Variants in RBMS1 observed in about 807,000 individuals in gnomAD.
RBMS1 encodes the protein RNA binding motif single stranded interacting protein 1.
RBMS1 carries 17 observed loss-of-function variants against 62.3 expected under a neutral mutation model. That is an observed-to-expected ratio of 0.27 (90% CI 0.19 to 0.41). The LOEUF (loss-of-function observed/expected upper bound fraction) is 0.41, where lower values mean the gene tolerates loss of function less well. Ranked by LOEUF, RBMS1 falls within the 10% of genes least tolerant of loss-of-function variation. The probability of loss-of-function intolerance (pLI) is 1.00; values close to 1 mark genes in which losing one functional copy is unlikely to be tolerated. For missense variants in RBMS1, 334 were observed against 504.5 expected, an observed-to-expected ratio of 0.66 and a Z score of 3.24; for synonymous variants, 172 against 170.0, an observed-to-expected ratio of 1.01 and a Z score of -0.09.
intron 2 of RBMS1, among the ~76,000 whole-genome samples, chr2:160,345,934 A>G (rs546811180): frequency 3.3e-4 from 51 of 152,252 alleles, no homozygotes; most frequent in Non-Finnish European, 5.3e-4. Flanking sequence ...TTGGTATTGC[A>G]AGCAGACAAT....
At chr2:160,298,117 G>T (rs1689033092) in intron 6 of RBMS1, among the ~76,000 whole-genome samples, 1 of 152,220 alleles carries the variant, frequency 6.6e-6, no homozygotes, top group East Asian at 1.9e-4. Context: ...AAGGGAGGGA[G>T]AAGGTAGATT....
At chr2:160,458,941 G>A (rs1684357084) in intron 1 of RBMS1, among the ~76,000 whole-genome samples, 1 of 152,212 alleles carries the variant, frequency 6.6e-6, no homozygotes, top group Admixed American at 6.5e-5. Context: ...GCCCTTATGT[G>A]CTGCTTTGAC....
rs1427764881 is a variant in RBMS1 at position 160,474,520 on chromosome 2, G to C, written c.75+18769C>G. On this transcript the variant is annotated intron_variant, in intron 1 of 13. Coordinates refer to ENST00000348849, the MANE Select transcript of RBMS1 (RefSeq NM_016836.4). ...AACCAGAAACACCACCTCTCAATAG[G>C]AAGGATTAAAAAACATTCTTCAGTC... 3.3e-5 allele frequency among the ~76,000 whole-genome samples: 5 copies of C among 152,252 alleles called. No individual in the cohort carries two copies. In the East Asian group the frequency reaches 9.6e-4, roughly 29 times the overall value.
intron 2 of RBMS1, among the ~76,000 whole-genome samples, chr2:160,323,267 G>C (rs931858926): frequency 1.6e-4 from 25 of 151,538 alleles, no homozygotes; most frequent in African/African-American, 5.8e-4. Context: ...CTTGAGCTTA[G>C]AAGATCGAGA....
chr2:160,287,368 TTTTGGG>T (rs1688454966), intron 6 of RBMS1, among the ~76,000 whole-genome samples: 1 of 152,112 alleles, frequency 6.6e-6, no homozygotes, highest in Non-Finnish European at 1.5e-5. Context: ...TTTCTTTTGG[TTTTGGG>T]CCCTCTCCAA....
In RBMS1 at chr2:160,493,532, C is replaced by T. The variant is rs376825152; in HGVS notation, c.-169G>A. 3.2e-6 allele frequency: 2 copies of T among 632,358 alleles called. No homozygotes were observed. The highest frequency in any genetic ancestry group is 5.5e-5 in the East Asian group (2 of 36,690). 39.2% of individuals were successfully genotyped at this position (632,358 alleles called of 1,614,324 possible). On this transcript the variant is annotated 5_prime_UTR_variant, in exon 1 of 14. Coordinates refer to ENST00000348849, the MANE Select transcript of RBMS1 (RefSeq NM_016836.4). The stretch of plus-strand genomic sequence containing the variant: ...AGCCGGGACCAGACGTCCTCCTCCT[C>T]CTCCTCCTCTTCCTCCTCCTCCTCC...
At chr2:160,371,693 G>A (rs187678569) in intron 1 of RBMS1, among the ~76,000 whole-genome samples, 20 of 152,294 alleles carry the variant, frequency 1.3e-4, no homozygotes, top group African/African-American at 4.3e-4. Flanking sequence ...CAGGAAGAGC[G>A]TTCATCAGCA....
chr2:160,425,949 A>G (rs1682536499), intron 1 of RBMS1, among the ~76,000 whole-genome samples: 1 of 152,120 alleles, frequency 6.6e-6, no homozygotes, highest in Non-Finnish European at 1.5e-5. Flanking sequence ...ACAAGCACTA[A>G]TAAAATTGTG....
At chr2:160,463,842 C>A (rs1270582647) in intron 1 of RBMS1, among the ~76,000 whole-genome samples, 1 of 152,152 alleles carries the variant, frequency 6.6e-6, no homozygotes, top group African/African-American at 2.4e-5. Flanking sequence ...AACTTTATGT[C>A]TCCTATTTCA....
intron 1 of RBMS1, among the ~76,000 whole-genome samples, chr2:160,368,394 A>G (rs572445313): frequency 3.3e-5 from 5 of 152,332 alleles, no homozygotes; most frequent in African/African-American, 1.2e-4. Context: ...TAGACAGTCA[A>G]AAGGTTCAAA....
chr2:160,353,601 C>T (rs553553131), intron 2 of RBMS1, among the ~76,000 whole-genome samples: 32 of 152,168 alleles, frequency 2.1e-4, no homozygotes, highest in African/African-American at 7.2e-4. Context: ...ATATTTCATC[C>T]TCATGATAAA....
intron 1 of RBMS1, among the ~76,000 whole-genome samples, chr2:160,452,165 G>A (rs915858921): frequency 6.6e-6 from 1 of 151,866 alleles, no homozygotes; most frequent in South Asian, 2.1e-4. Flanking sequence ...TCAGTTATGA[G>A]AAGGCTCTAT....
chr2:160,487,054 T>G (rs1225345961), intron 1 of RBMS1, among the ~76,000 whole-genome samples: 1 of 152,168 alleles, frequency 6.6e-6, no homozygotes, highest in African/African-American at 2.4e-5. Flanking sequence ...ATAAATTAAT[T>G]GAATATGAAA....
chr2:160,366,588 G>A lies in RBMS1; in HGVS notation c.251+628C>T, dbSNP rs1294579203. Among the ~76,000 whole-genome samples the A allele has an allele frequency of 2.6e-5, 4 of 152,196 alleles. No homozygotes were observed. In the East Asian group the frequency reaches 7.7e-4, roughly 29 times the overall value. ...GAGTTAGTGTAATTGCAGCAAAGAA[G>A]CACATTTATATTCTATTCATTGACA... On this transcript the variant is annotated intron_variant, in intron 2 of 13. Coordinates refer to ENST00000348849, the MANE Select transcript of RBMS1 (RefSeq NM_016836.4).
intron 2 of RBMS1, among the ~76,000 whole-genome samples, chr2:160,337,198 A>C (rs536833183): frequency 6.9e-6 from 1 of 145,892 alleles, no homozygotes; most frequent in Non-Finnish European, 1.5e-5. Context: ...CAATGGCATG[A>C]TCTCAGCTCA....
At chr2:160,453,326 C>A (rs1684074421) in intron 1 of RBMS1, among the ~76,000 whole-genome samples, 1 of 152,124 alleles carries the variant, frequency 6.6e-6, no homozygotes, top group Non-Finnish European at 1.5e-5. Context: ...AAGGGAGGAT[C>A]CTTCTGGATC....
At chr2:160,280,383 C>A (rs955598596) in intron 10 of RBMS1, among the ~76,000 whole-genome samples, 1 of 152,190 alleles carries the variant, frequency 6.6e-6, no homozygotes, top group Admixed American at 6.6e-5. Context: ...CATGTTTTAT[C>A]TGCTTCTTAA....
intron 1 of RBMS1, among the ~76,000 whole-genome samples, chr2:160,415,173 G>GT (rs1410420242): frequency 6.6e-6 from 1 of 151,994 alleles, no homozygotes; most frequent in Admixed American, 6.6e-5. Context: ...CTATAAAAAT[G>GT]TAAGTGCTTA....
At chr2:160,354,203 A>G (rs1309793432) in intron 2 of RBMS1, among the ~76,000 whole-genome samples, 1 of 152,154 alleles carries the variant, frequency 6.6e-6, no homozygotes, top group Non-Finnish European at 1.5e-5. Flanking sequence ...CAGACTAGAG[A>G]TGAAAAAAGT....
Sources: allele counts gnomAD v4.1 joint callset (sites outside exome capture counted in the v4.1 genomes callset), GRCh38; gene constraint gnomAD v4.1.1; transcripts MANE v1.5; gene names NCBI Gene and HGNC (gene_info 2026-07-23, HGNC 2026-07-21).